PUS7: variants seen among roughly 807,000 people sequenced by gnomAD.
PUS7 encodes pseudouridine synthase 7, also known as pseudouridylate synthase 7 homolog.
In PUS7, 48 loss-of-function variants were observed where a neutral mutation model predicts 79.8. That is an observed-to-expected ratio of 0.60 (90% CI 0.48 to 0.76). PUS7 has a LOEUF of 0.76. Ranked by LOEUF, PUS7 falls within the 30% of genes least tolerant of loss-of-function variation. PUS7 has a pLI of 0.00. For missense variants in PUS7, 729 were observed against 797.6 expected (o/e 0.91, Z 1.04); for synonymous variants, 286 against 272.2 (o/e 1.05, Z -0.50).
At chr7:105,484,621 C>T (rs905558573) in intron 7 of PUS7, among the ~76,000 whole-genome samples, 12 of 151,510 alleles carry the variant, frequency 7.9e-5, no homozygotes, top group Admixed American at 3.9e-4. Flanking sequence ...GAATTCGAGA[C>T]CAGCCTGGCC....
At chr7:105,491,486 A>T in intron 7 of PUS7, 54 bp downstream of exon 7, 1 of 1,164,056 alleles carries the variant, frequency 8.6e-7, no homozygotes, top group Non-Finnish European at 1.2e-6. Flanking sequence ...AGAATTCTGA[A>T]AAGCAGTGCC....
At chr7:105,515,235 T>C (rs1043925177) in intron 1 of PUS7, among the ~76,000 whole-genome samples, 4 of 152,166 alleles carry the variant, frequency 2.6e-5, no homozygotes, top group Non-Finnish European at 5.9e-5. Flanking sequence ...AAAGAAACAC[T>C]GCCTATAACC....
At chr7:105,489,147 CAAAAAAA>C (rs762504334) in intron 7 of PUS7, among the ~76,000 whole-genome samples, 2 of 33,706 alleles carry the variant, frequency 5.9e-5, no homozygotes, top group South Asian at 1.3e-3. Flanking sequence ...AACTCCATCT[CAAAAAAA>C]AAAAAAAAAA....
chr7:105,458,804 G>A lies in PUS7; in HGVS notation c.1849+364C>T, dbSNP rs181637335. ...TCTCGATCTCCTGACCTCGTGATCC[G>A]CCCGCCTCGGCCTCCCAAAGTGCTG... is the stretch of plus-strand genomic sequence containing the variant. On this transcript the variant is annotated intron_variant, in intron 15 of 15. Transcript: ENST00000469408. Among the ~76,000 whole-genome samples the A allele has an allele frequency of 4.9e-4, 74 of 151,556 alleles. No individual in the cohort carries two copies. In the East Asian group the frequency reaches 0.012, roughly 25 times the overall value.
At chr7:105,493,748 G>C (rs1043643780) in intron 6 of PUS7, among the ~76,000 whole-genome samples, 1 of 152,132 alleles carries the variant, frequency 6.6e-6, no homozygotes, top group Admixed American at 6.6e-5. Flanking sequence ...GCCACATGAA[G>C]ACACAGTGAG....
chr7:105,481,952 G>A (rs571384612), intron 8 of PUS7, among the ~76,000 whole-genome samples: 1 of 152,108 alleles, frequency 6.6e-6, no homozygotes. Context: ...GGATGGTCTC[G>A]ATCTCCTGAC....
Position 105,502,460 on chromosome 7 carries a change from G to A in PUS7, c.690C>T (p.Tyr230=), listed in dbSNP as rs769452545. Residue 230 remains tyrosine, a synonymous_variant, in exon 5 of 16, where the codon TAC becomes TAT. Coordinates refer to ENST00000469408, the MANE Select transcript of PUS7 (RefSeq NM_019042.5). ...TCCCAGCTGCGTGGTAGGCTACAATGTATTTCTTCCCCTCCCTATCCTCTG... is the reference window on the plus strand; with the variant it reads ...TCCCAGCTGCGTGGTAGGCTACAATATATTTCTTCCCCTCCCTATCCTCTG... ...TKTEDREGKK[Y]IVAYHAAGKK... 1 of 1,614,088 alleles carries A rather than the reference G, an allele frequency of 6.2e-7. No individual in the cohort carries two copies. Among genetic ancestry groups the A allele is most frequent in the South Asian group, 1.1e-5 (1 of 91,084 alleles).
intron 8 of PUS7, 148 bp downstream of exon 8, chr7:105,482,164 C>A (rs1346497671): frequency 6.6e-6 from 6 of 905,786 alleles, no homozygotes; most frequent in Non-Finnish European, 1.0e-5. Context: ...GCTCTCCCAG[C>A]CCTGCCAGGC....
chr7:105,521,575 G>C (rs1236648124), intron 1 of PUS7, among the ~76,000 whole-genome samples: 1 of 152,252 alleles, frequency 6.6e-6, no homozygotes, highest in Non-Finnish European at 1.5e-5. Flanking sequence ...CGGCGACGCA[G>C]GACACAGGGG....
At chr7:105,471,022 A>C (rs1823853792) in intron 10 of PUS7, among the ~76,000 whole-genome samples, 174 bp from the exon 11 acceptor site, 1 of 152,244 alleles carries the variant, frequency 6.6e-6, no homozygotes, top group Non-Finnish European at 1.5e-5. Context: ...GAAAGTTTAC[A>C]GAACTATTTG....
chr7:105,508,548 T>G lies in PUS7; in HGVS notation c.-32-4A>C. On this transcript the variant is annotated splice_region_variant and splice_polypyrimidine_tract_variant and intron_variant, in intron 1 of 15. Transcript: ENST00000469408. ...CCAAGAAAACATTTAAGAAAACCTGTTAGGAAAGAGTAGAAAGTAACAATC... is the reference window on the plus strand; with the variant it reads ...CCAAGAAAACATTTAAGAAAACCTGGTAGGAAAGAGTAGAAAGTAACAATC... 5 of 1,587,450 alleles carry G rather than the reference T, an allele frequency of 3.1e-6. No homozygotes were observed. The highest frequency in any genetic ancestry group is 4.3e-6 in the Non-Finnish European group (5 of 1,168,150).
At position 105,457,685 on chromosome 7, in the gene PUS7, C is replaced by T. The variant is rs1823241604; in HGVS notation, c.*105G>A. 9.1e-7 allele frequency: 1 copy of T among 1,099,894 alleles called. No individual in the cohort carries two copies. The highest frequency in any genetic ancestry group is 1.2e-6 in the Non-Finnish European group (1 of 801,390). 68.1% of individuals were successfully genotyped at this position (1,099,894 alleles called of 1,614,324 possible). On this transcript the variant is annotated 3_prime_UTR_variant, in exon 16 of 16. Transcript: ENST00000469408. ...TTAAAAATACAAATAATTTTTATTA[C>T]AAAGATTTGAAATCCATATATGAGT...
chr7:105,464,932 C>T (rs1823577750), intron 13 of PUS7, among the ~76,000 whole-genome samples: 1 of 150,644 alleles, frequency 6.6e-6, no homozygotes, highest in Non-Finnish European at 1.5e-5. Flanking sequence ...TATCCTTCCA[C>T]CTCAGCCTCC....
chr7:105,476,380 A>G lies in PUS7; in HGVS notation c.1176-4187T>C, dbSNP rs138172677. Among the ~76,000 whole-genome samples, 1,075 of 152,088 alleles carry G rather than the reference A, an allele frequency of 7.1e-3. 23 individuals are homozygous for G. Among genetic ancestry groups the G allele is most frequent in the East Asian group, 0.062 (321 of 5,176 alleles). ...AATTTATATATATATATTTTTTGAG[A>G]CAGAGTCTCGCTCTGTTGCCAGGCT... On this transcript the variant is annotated intron_variant, in intron 9 of 15. Transcript: ENST00000469408.
In PUS7 at chr7:105,508,177, A is replaced by C. The variant is rs1324230030; in HGVS notation, c.336T>G (p.Ala112=). ...ADMMKHGLTE[A]DVGITKFVSS... Reference sequence around the variant, plus strand: ...TCACAAACTTGGTGATGCCTACGTCAGCCTCAGTGAGTCCATGCTTCATCA... The same window carrying C: ...TCACAAACTTGGTGATGCCTACGTCCGCCTCAGTGAGTCCATGCTTCATCA... The change falls in exon 2 of 16, where the codon GCT becomes GCG. Residue 112 remains alanine, a synonymous_variant. Transcript: ENST00000469408. 1 of 1,614,150 alleles carries C rather than the reference A, an allele frequency of 6.2e-7. No individual in the cohort carries two copies. The highest frequency in any genetic ancestry group is 2.2e-5 in the East Asian group (1 of 44,886).
rs932577476 is a variant in PUS7 at position 105,494,801 on chromosome 7, G to A, written c.842+341C>T. Among the ~76,000 whole-genome samples the A allele has an allele frequency of 5.9e-5, 9 of 151,876 alleles. No homozygotes were observed. The South Asian group carries it at 1.9e-3, about 32-fold the overall frequency. ...GAGACCAGCCTGGGCAATATAGTGAGACTCTGTCTCTAAAACCTAATAAAA... is the reference window on the plus strand; with the variant it reads ...GAGACCAGCCTGGGCAATATAGTGAAACTCTGTCTCTAAAACCTAATAAAA... On this transcript the variant is annotated intron_variant, in intron 6 of 15. Coordinates refer to ENST00000469408, the MANE Select transcript of PUS7 (RefSeq NM_019042.5).
At chr7:105,466,162 GAA>G (rs10569634) in intron 12 of PUS7, among the ~76,000 whole-genome samples, 132,418 of 147,974 alleles carry the variant, frequency 0.89, 59,979 homozygotes, top group South Asian at 0.97. Flanking sequence ...TGTCTCAAAG[GAA>G]AAAAAAAAAA....
At chr7:105,497,910 T>G (rs1180584985) in intron 5 of PUS7, among the ~76,000 whole-genome samples, 1 of 152,224 alleles carries the variant, frequency 6.6e-6, no homozygotes, top group Non-Finnish European at 1.5e-5. Context: ...ATGTCCATAA[T>G]AAAAACTTTA....
intron 7 of PUS7, among the ~76,000 whole-genome samples, chr7:105,483,177 CTTT>C (rs1337345763): frequency 1.1e-5 from 1 of 91,224 alleles, no homozygotes; most frequent in Non-Finnish European, 2.0e-5. Context: ...TCTTTCTTTC[CTTT>C]TTTTTTTTTG....
Sources: gnomAD v4.1 joint callset for allele counts (sites outside exome capture counted in the v4.1 genomes callset) on GRCh38, gnomAD v4.1.1 for gene constraint, MANE v1.5 for transcripts, NCBI Gene and HGNC (gene_info 2026-07-23, HGNC 2026-07-21) for gene names.